The following ROBO1 variants were observed in gnomAD, a reference collection of about 807,000 sequenced individuals.
The protein encoded by ROBO1 is roundabout homolog 1.
In ROBO1, 149 loss-of-function variants were observed where a neutral mutation model predicts 195.9. The observed-to-expected ratio is 0.76, with a 90% confidence interval of 0.67 to 0.87. The LOEUF (loss-of-function observed/expected upper bound fraction) is 0.87. ROBO1 is among the 40% of genes least tolerant of loss of function. The pLI, the probability that ROBO1 is intolerant of heterozygous loss-of-function variation, is 0.00. For missense variants in ROBO1, 1,933 were observed against 2,068.3 expected, an observed-to-expected ratio of 0.93 and a Z score of 1.27; for synonymous variants, 816 against 733.2, an observed-to-expected ratio of 1.11 and a Z score of -1.82.
intron 1 of ROBO1, among the ~76,000 whole-genome samples, chr3:79,683,795 A>G (rs1353859017): frequency 1.3e-5 from 2 of 152,066 alleles, no homozygotes; most frequent in African/African-American, 4.8e-5. Flanking sequence ...CTTTTTTTTG[A>G]CTGAATAATA....
At chr3:79,329,911 C>T (rs1159320665) in intron 2 of ROBO1, among the ~76,000 whole-genome samples, 2 of 151,884 alleles carry the variant, frequency 1.3e-5, no homozygotes, top group Admixed American at 1.3e-4. Context: ...TTAAATTTCC[C>T]CTGTTGGATT....
chr3:79,763,034 G>A (rs2107528558), intron 1 of ROBO1, among the ~76,000 whole-genome samples: 1 of 152,300 alleles, frequency 6.6e-6, no homozygotes, highest in South Asian at 2.1e-4. Flanking sequence ...AGCAAGTGTG[G>A]CAGGGAGGAT....
Position 79,032,800 on chromosome 3 carries a change from G to C in ROBO1, c.172+92656C>G, listed in dbSNP as rs2078319397. ...CATCCTATTGAAATAGAAGTTGATA[G>C]CAGGTCTCTTTAATTTATGTTCTTA... On this transcript the variant is annotated intron_variant, in intron 3 of 30. Transcript: ENST00000464233. Among the ~76,000 whole-genome samples the C allele has an allele frequency of 1.3e-5, 2 of 152,048 alleles. 1 individual carries two copies. The highest frequency in any genetic ancestry group is 4.1e-4 in the South Asian group (2 of 4,834).
chr3:78,675,598 G>C (rs1010500456), intron 10 of ROBO1, among the ~76,000 whole-genome samples: 1 of 152,162 alleles, frequency 6.6e-6, no homozygotes. Context: ...ACTGCAAGGC[G>C]GCAGCGAGGC....
At chr3:79,363,764 A>G (rs2035858889) in intron 2 of ROBO1, among the ~76,000 whole-genome samples, 2 of 152,320 alleles carry the variant, frequency 1.3e-5, no homozygotes, top group East Asian at 1.9e-4. Context: ...ATCCAGACAC[A>G]TTTACTTTCA....
chr3:79,325,978 G>A (rs2034192945), intron 2 of ROBO1, among the ~76,000 whole-genome samples: 1 of 152,098 alleles, frequency 6.6e-6, no homozygotes, highest in Non-Finnish European at 1.5e-5. Context: ...GCGCCTGGGG[G>A]TGGGTCTATA....
chr3:78,681,211 A>C (rs1198535477), intron 10 of ROBO1, among the ~76,000 whole-genome samples: 1 of 152,062 alleles, frequency 6.6e-6, no homozygotes, highest in Non-Finnish European at 1.5e-5. Flanking sequence ...GAGGGATAGC[A>C]TTAGGAGATA....
intron 3 of ROBO1, among the ~76,000 whole-genome samples, chr3:78,979,854 G>T (rs768022017): frequency 1.1e-4 from 17 of 151,622 alleles, no homozygotes; most frequent in Non-Finnish European, 2.4e-4. Context: ...AGATCTACTT[G>T]GGCTCACACC....
chr3:79,570,871 C>G (rs1408467035), intron 2 of ROBO1, among the ~76,000 whole-genome samples: 1 of 152,048 alleles, frequency 6.6e-6, no homozygotes, highest in Non-Finnish European at 1.5e-5. Context: ...TTCATCATTA[C>G]AGTGGAAAAT....
At chr3:79,254,576 A>T (rs76908406) in intron 2 of ROBO1, among the ~76,000 whole-genome samples, 1 of 152,122 alleles carries the variant, frequency 6.6e-6, no homozygotes. Flanking sequence ...AATAAAGATA[A>T]TACCTGGCCC....
intron 2 of ROBO1, among the ~76,000 whole-genome samples, chr3:79,182,682 C>T (rs949449744): frequency 1.5e-4 from 23 of 152,174 alleles, no homozygotes; most frequent in Non-Finnish European, 2.8e-4. Flanking sequence ...GAGGAGCAGA[C>T]TTTCTCAACA....
chr3:78,669,327 C>G (rs1707921011), intron 11 of ROBO1, among the ~76,000 whole-genome samples: 1 of 152,182 alleles, frequency 6.6e-6, no homozygotes, highest in Non-Finnish European at 1.5e-5. Context: ...AGTCACAAAG[C>G]AGCACAACAT....
chr3:78,709,355 T>A (rs1043405958), intron 8 of ROBO1, among the ~76,000 whole-genome samples: 2 of 151,702 alleles, frequency 1.3e-5, no homozygotes, highest in Non-Finnish European at 2.9e-5. Flanking sequence ...AATATTGGTA[T>A]ACCATGTATA....
chr3:79,045,250 TCTC>T (rs1207356814), intron 3 of ROBO1, among the ~76,000 whole-genome samples: 2 of 152,054 alleles, frequency 1.3e-5, no homozygotes, highest in Non-Finnish European at 2.9e-5. Context: ...ATTTTTAGAT[TCTC>T]CTAATTTTCA....
At chr3:79,470,644 C>A (rs545381783) in intron 2 of ROBO1, among the ~76,000 whole-genome samples, 1 of 152,050 alleles carries the variant, frequency 6.6e-6, no homozygotes, top group African/African-American at 2.4e-5. Context: ...ATCATGGGGG[C>A]AGTTTCCCTC....
At chr3:79,644,237 T>A (rs1234726252) in intron 1 of ROBO1, among the ~76,000 whole-genome samples, 1 of 152,012 alleles carries the variant, frequency 6.6e-6, no homozygotes, top group Non-Finnish European at 1.5e-5. Context: ...AAGGAAAAGG[T>A]AGACTACAAT....
intron 4 of ROBO1, among the ~76,000 whole-genome samples, chr3:78,890,036 A>G (rs954545023): frequency 1.3e-5 from 2 of 151,770 alleles, no homozygotes; most frequent in South Asian, 4.2e-4. Flanking sequence ...TTACTCCTTG[A>G]CTTTCCTCCG....
chr3:78,846,794 T>C (rs2106812243), intron 4 of ROBO1, among the ~76,000 whole-genome samples: 1 of 152,294 alleles, frequency 6.6e-6, no homozygotes, highest in East Asian at 1.9e-4. Flanking sequence ...AGTATATAAG[T>C]GGTGTACTTT....
At chr3:78,772,471 A>C (rs2083399955) in intron 4 of ROBO1, among the ~76,000 whole-genome samples, 1 of 152,150 alleles carries the variant, frequency 6.6e-6, no homozygotes, top group Admixed American at 6.5e-5. Flanking sequence ...GGCAAAAAGA[A>C]AAGATATAAT....
Sources: gnomAD v4.1 joint callset for allele counts (sites outside exome capture counted in the v4.1 genomes callset) on GRCh38, gnomAD v4.1.1 for gene constraint, MANE v1.5 for transcripts, NCBI Gene and HGNC (gene_info 2026-07-23, HGNC 2026-07-21) for gene names.